The following RPS6KA5 variants were observed in gnomAD, a reference collection of about 807,000 sequenced individuals.
The protein encoded by RPS6KA5 is ribosomal protein S6 kinase A5.
In RPS6KA5, 27 loss-of-function variants were observed where a neutral mutation model predicts 85.5. The observed-to-expected ratio is 0.32, with a 90% CI of 0.23 to 0.44. RPS6KA5 has a LOEUF of 0.44. RPS6KA5 is among the 20% of genes least tolerant of loss of function. The pLI, the probability that RPS6KA5 is intolerant of heterozygous loss-of-function variation, is 1.00. For missense variants in RPS6KA5, 811 were observed against 980.9 expected (o/e 0.83, Z 2.31); for synonymous variants, 334 against 348.2 (o/e 0.96, Z 0.46).
intron 1 of RPS6KA5, among the ~76,000 whole-genome samples, chr14:91,057,243 T>C (rs953491455): frequency 1.3e-5 from 2 of 152,092 alleles, no homozygotes; most frequent in African/African-American, 4.8e-5. Context: ...GTTTAAGTGA[T>C]CTGTTCAATC....
chr14:90,950,430 T>C (rs2038112426), intron 3 of RPS6KA5, among the ~76,000 whole-genome samples: 1 of 152,212 alleles, frequency 6.6e-6, no homozygotes, highest in Admixed American at 6.5e-5. Flanking sequence ...CCTACAATGT[T>C]GAATAAAGTG....
rs2140126071 is a variant in RPS6KA5, at chr14:90,868,867, A to T, written c.*3207T>A. ...ATAACTTACCTTATATTTAAAAGTT[A>T]GTCATTTACATACTTAAGAAATCAA... On this transcript the variant is annotated 3_prime_UTR_variant, in exon 17 of 17. Transcript: ENST00000614987. 3 of 152,340 alleles carry T rather than the reference A, an allele frequency of 2.0e-5. No homozygotes were observed. The highest frequency in any genetic ancestry group is 6.8e-3 in the Middle Eastern group (2 of 294). The allele number at this position is 152,340 out of a possible 1,614,324, so 9.4% of individuals were successfully genotyped here. A position where few individuals can be genotyped will look rare whatever the true frequency, so the allele number is the denominator to read the frequency against.
At chr14:90,878,353 G>C (rs971452019) in intron 14 of RPS6KA5, among the ~76,000 whole-genome samples, 1 of 152,186 alleles carries the variant, frequency 6.6e-6, no homozygotes, top group Admixed American at 6.5e-5. Context: ...TGGAACTTGT[G>C]TCACATGTGT....
At chr14:90,919,676 T>C (rs1234098727) in intron 7 of RPS6KA5, among the ~76,000 whole-genome samples, 1 of 152,146 alleles carries the variant, frequency 6.6e-6, no homozygotes, top group East Asian at 1.9e-4. Flanking sequence ...AGATAGACAT[T>C]AATCAAATAA....
chr14:91,028,740 G>A (rs953582706), intron 1 of RPS6KA5, among the ~76,000 whole-genome samples: 3 of 149,118 alleles, frequency 2.0e-5, no homozygotes, highest in Admixed American at 1.3e-4. Flanking sequence ...GGATGGTCTC[G>A]ATCTCCTGAC....
intron 14 of RPS6KA5, among the ~76,000 whole-genome samples, chr14:90,885,019 G>A (rs919343544): frequency 5.3e-5 from 8 of 152,128 alleles, no homozygotes; most frequent in Admixed American, 2.6e-4. Flanking sequence ...TTGGGAGGCT[G>A]AGATGGGTGG....
In RPS6KA5 at chr14:90,947,443, G is replaced by C. The variant is rs200296811; in HGVS notation, c.502C>G (p.Leu168Val). 1.2e-4 allele frequency: 187 copies of C among 1,585,336 alleles called. No individual in the cohort carries two copies. Among genetic ancestry groups the C allele is most frequent in the Non-Finnish European group, 1.5e-4 (177 of 1,154,130 alleles). Reference protein sequence around the residue: ...VGEIVLALEHLHKLGIIYRDI... With the variant: ...VGEIVLALEHVHKLGIIYRDI... ...AAAATGAAGAGTCTTACCTTGTGGAGATGTTCGAGGGCAAGCACAATCTCT... is the reference window on the plus strand; with the variant it reads ...AAAATGAAGAGTCTTACCTTGTGGACATGTTCGAGGGCAAGCACAATCTCT... Residue 168 changes from leucine to valine, a missense_variant, in exon 4 of 17, where the codon CTC (leucine) becomes GTC (valine). Transcript: ENST00000614987.
intron 7 of RPS6KA5, among the ~76,000 whole-genome samples, chr14:90,913,343 T>C (rs749760755): frequency 8.5e-5 from 13 of 152,292 alleles, no homozygotes; most frequent in Middle Eastern, 3.4e-3. Context: ...ACTTGTTTCT[T>C]TTACAAAGTT....
At chr14:90,913,444 T>C (rs1191087433) in intron 7 of RPS6KA5, among the ~76,000 whole-genome samples, 2 of 152,188 alleles carry the variant, frequency 1.3e-5, no homozygotes, top group Admixed American at 6.5e-5. Flanking sequence ...CTAAAAGTGA[T>C]AGATATTGCC....
At chr14:90,932,453 T>C (rs777826640) in intron 5 of RPS6KA5, among the ~76,000 whole-genome samples, 1 of 152,186 alleles carries the variant, frequency 6.6e-6, no homozygotes, top group Non-Finnish European at 1.5e-5. Flanking sequence ...AAATTCATGA[T>C]CAGGAATCTC....
rs1047578085 is a variant in RPS6KA5 at position 90,933,627 on chromosome 14, G to T, written c.618+9451C>A. On this transcript the variant is annotated intron_variant, in intron 5 of 16. Coordinates refer to ENST00000614987, the MANE Select transcript of RPS6KA5 (RefSeq NM_004755.4). ...CTTGTCCCACTACAGGATTATCACA[G>T]TTATCAACCAGAATTATTCTTCCAA... Among the ~76,000 whole-genome samples the T allele has an allele frequency of 4.6e-5, 7 of 152,270 alleles. No individual in the cohort carries two copies. The East Asian group carries it at 9.6e-4, about 21-fold the overall frequency.
At chr14:90,991,808 C>A (rs2040321430) in intron 2 of RPS6KA5, among the ~76,000 whole-genome samples, 1 of 151,096 alleles carries the variant, frequency 6.6e-6, no homozygotes, top group South Asian at 2.1e-4. Flanking sequence ...GAAAACTGAT[C>A]AAGGTTAGTG....
chr14:90,854,087 A>T lies in RPS6KA5; in HGVS notation c.*17987T>A, dbSNP rs1253804778. On this transcript the variant is annotated 3_prime_UTR_variant, in exon 17 of 17. Transcript: ENST00000614987. The stretch of plus-strand genomic sequence containing the variant: ...AATTTTCACAAGACCAAACTATTAA[A>T]GTACCTAGAAAATAGAATATTTTTT... 2.0e-5 allele frequency: 3 copies of T among 152,230 alleles called. No individual in the cohort carries two copies. The highest frequency in any genetic ancestry group is 7.2e-5 in the African/African-American group (3 of 41,460). The allele number at this position is 152,230 out of a possible 1,614,324, so 9.4% of individuals were successfully genotyped here. A position where few individuals can be genotyped will look rare whatever the true frequency, so the allele number is the denominator to read the frequency against.
At chr14:91,058,551 T>C (rs1002983431) in intron 1 of RPS6KA5, among the ~76,000 whole-genome samples, 5 of 152,164 alleles carry the variant, frequency 3.3e-5, no homozygotes, top group African/African-American at 1.2e-4. Context: ...TCCATACATA[T>C]AAATCAGTGG....
At chr14:90,983,622 G>T in intron 2 of RPS6KA5, among the ~76,000 whole-genome samples, 1 of 148,208 alleles carries the variant, frequency 6.7e-6, no homozygotes, top group Non-Finnish European at 1.5e-5. Flanking sequence ...GAAGAAAGAA[G>T]AGAGAGAGAA....
chr14:90,996,361 A>G (rs2040521240), intron 2 of RPS6KA5, among the ~76,000 whole-genome samples: 1 of 152,172 alleles, frequency 6.6e-6, no homozygotes, highest in African/African-American at 2.4e-5. Flanking sequence ...TAACAGATCA[A>G]TGAATAGGAT....
At chr14:91,050,023 A>G (rs1223544209) in intron 1 of RPS6KA5, among the ~76,000 whole-genome samples, 1 of 152,234 alleles carries the variant, frequency 6.6e-6, no homozygotes, top group East Asian at 1.9e-4. Context: ...GAATATATAC[A>G]TTTACATATG....
chr14:90,894,181 C>T, intron 13 of RPS6KA5: 1 of 1,164,724 alleles, frequency 8.6e-7, no homozygotes, highest in South Asian at 4.1e-5. Context: ...GGTTCTCACA[C>T]TTACAAATAT....
chr14:91,016,733 G>A (rs888808139), intron 1 of RPS6KA5, among the ~76,000 whole-genome samples: 17 of 152,082 alleles, frequency 1.1e-4, no homozygotes, highest in African/African-American at 3.6e-4. Flanking sequence ...ACCAGACATC[G>A]GATTACATAT....
Sources: gnomAD v4.1 joint callset for allele counts (sites outside exome capture counted in the v4.1 genomes callset) on GRCh38, gnomAD v4.1.1 for gene constraint, MANE v1.5 for transcripts, NCBI Gene and HGNC (gene_info 2026-07-23, HGNC 2026-07-21) for gene names.